Variants in PIK3C3 observed in about 807,000 individuals in gnomAD.
The protein encoded by PIK3C3 is PI3-kinase type 3.
Under a neutral mutation model 126.1 loss-of-function variants are expected in PIK3C3, and 95 were observed. The ratio of observed to expected loss-of-function variants is 0.75; its 90% CI spans 0.64 to 0.89. The LOEUF (loss-of-function observed/expected upper bound fraction) is 0.89. Ranked by LOEUF, PIK3C3 falls within the 40% of genes least tolerant of loss-of-function variation. The probability of loss-of-function intolerance (pLI) is 0.00; values close to 1 mark genes in which losing one functional copy is unlikely to be tolerated. For synonymous variants in PIK3C3, 374 were observed against 360.0 expected (o/e 1.04, Z -0.44); for missense variants, 829 against 1,063.2 (o/e 0.78, Z 3.06).
chr18:42,049,694 C>G, intron 21 of PIK3C3, 89 bp downstream of exon 21: 1 of 1,094,024 alleles, frequency 9.1e-7, no homozygotes, highest in Non-Finnish European at 1.4e-6. Context: ...TAAGTTGCGG[C>G]CTGGCGCGGT....
At chr18:42,014,314 C>T (rs984662050) in intron 11 of PIK3C3, among the ~76,000 whole-genome samples, 1 of 150,218 alleles carries the variant, frequency 6.7e-6, no homozygotes, top group African/African-American at 2.5e-5. Flanking sequence ...TAACTGTTTA[C>T]ACCTCTTTAG....
chr18:41,995,844 C>A, intron 7 of PIK3C3, 46 bp from the exon 8 acceptor site: 2 of 1,316,966 alleles, frequency 1.5e-6, no homozygotes, highest in Non-Finnish European at 2.2e-6. Flanking sequence ...TTTGAAATTT[C>A]CTTTTGGTGA....
intron 4 of PIK3C3, among the ~76,000 whole-genome samples, chr18:41,983,787 TCAA>T (rs978647348): frequency 6.6e-6 from 1 of 152,188 alleles, no homozygotes; most frequent in African/African-American, 2.4e-5. Flanking sequence ...GACATCTTCC[TCAA>T]ACACATCTTT....
At chr18:41,966,177 C>CCTTTTTT (rs1555671402) in intron 3 of PIK3C3, among the ~76,000 whole-genome samples, 1 of 112,572 alleles carries the variant, frequency 8.9e-6, no homozygotes, top group African/African-American at 3.7e-5. Context: ...TATATTGTTC[C>CCTTTTTT]TTTTTTTTTT....
At chr18:41,962,437 A>G in intron 2 of PIK3C3, 52 bp from the exon 3 acceptor site, 1 of 1,328,600 alleles carries the variant, frequency 7.5e-7, no homozygotes, top group Non-Finnish European at 9.7e-7. Flanking sequence ...TTAATTTAAA[A>G]GAAAGATATA....
At chr18:42,048,390 G>A (rs1270000956) in intron 20 of PIK3C3, among the ~76,000 whole-genome samples, 1 of 152,126 alleles carries the variant, frequency 6.6e-6, no homozygotes, top group Non-Finnish European at 1.5e-5. Flanking sequence ...TGAGTCAGCC[G>A]CTTGCTTAAA....
intron 13 of PIK3C3, among the ~76,000 whole-genome samples, chr18:42,021,886 T>C (rs1227060152): frequency 2.6e-5 from 4 of 152,174 alleles, no homozygotes; most frequent in Non-Finnish European, 4.4e-5. Context: ...AAACTAGAAA[T>C]CCAAAACATT....
At chr18:42,032,178 G>A (rs536499440) in intron 15 of PIK3C3, among the ~76,000 whole-genome samples, 7 of 152,320 alleles carry the variant, frequency 4.6e-5, no homozygotes, top group African/African-American at 1.7e-4. Flanking sequence ...GTTCCAGCCA[G>A]AGGAATAGCA....
chr18:41,970,178 A>C, intron 3 of PIK3C3, 149 bp from the exon 4 acceptor site: 2 of 659,142 alleles, frequency 3.0e-6, no homozygotes, highest in Non-Finnish European at 5.2e-6. Context: ...TGCTTGGTTA[A>C]TTGCTTTACA....
intron 10 of PIK3C3, among the ~76,000 whole-genome samples, 155 bp downstream of exon 10, chr18:42,004,696 T>G (rs1298380847): frequency 6.6e-6 from 1 of 152,132 alleles, no homozygotes; most frequent in Non-Finnish European, 1.5e-5. Flanking sequence ...AGGTGTATTT[T>G]CAGAAGGAAA....
intron 3 of PIK3C3, among the ~76,000 whole-genome samples, chr18:41,964,261 A>G (rs1424242561): frequency 6.6e-6 from 1 of 152,166 alleles, no homozygotes; most frequent in Non-Finnish European, 1.5e-5. Context: ...GCATCCTTAT[A>G]TACTCAATTC....
At chr18:42,049,712 G>A (rs1053218025) in intron 21 of PIK3C3, 107 bp downstream of exon 21, 36 of 860,908 alleles carry the variant, frequency 4.2e-5, no homozygotes, top group East Asian at 1.1e-4. Flanking sequence ...GGTGGCTCAC[G>A]CCCGTAATCC....
chr18:42,004,817 T>A (rs999748455), intron 10 of PIK3C3, among the ~76,000 whole-genome samples: 1 of 152,166 alleles, frequency 6.6e-6, no homozygotes, highest in Non-Finnish European at 1.5e-5. Flanking sequence ...GAGCTTGTAT[T>A]GCTCTGTCTG....
intron 4 of PIK3C3, among the ~76,000 whole-genome samples, chr18:41,981,375 T>C (rs1275931181): frequency 6.6e-6 from 1 of 152,226 alleles, no homozygotes; most frequent in Admixed American, 6.5e-5. Context: ...AAGACACTTT[T>C]AAGACTAGAT....
At chr18:41,990,349 T>C in intron 5 of PIK3C3, 110 bp from the exon 6 acceptor site, 1 of 670,636 alleles carries the variant, frequency 1.5e-6, no homozygotes, top group Non-Finnish European at 2.7e-6. Flanking sequence ...ATGTTTTGAC[T>C]TGTATTTGAT....
rs1237040996 is a variant in PIK3C3, at chr18:41,985,475, T to TGC, written c.532-2337_532-2336insGC. 2.0e-5 allele frequency among the ~76,000 whole-genome samples: 3 copies of TGC among 152,286 alleles called. No individual in the cohort carries two copies. In the East Asian group the frequency reaches 5.8e-4, roughly 29 times the overall value. On this transcript the variant is annotated intron_variant, in intron 4 of 24. Transcript: ENST00000262039. ...ATTTCCATAGCATAAATGGTACCTT[T>TGC]AATTTTGCAATCGGTTTTGCACTCA...
chr18:42,055,544 A>G (rs376089788), intron 21 of PIK3C3, among the ~76,000 whole-genome samples: 1 of 152,176 alleles, frequency 6.6e-6, no homozygotes, highest in African/African-American at 2.4e-5. Context: ...CAATTAAGAC[A>G]AAAGGCATTT....
At chr18:42,043,261 T>G (rs960810775) in intron 19 of PIK3C3, among the ~76,000 whole-genome samples, 3 of 151,938 alleles carry the variant, frequency 2.0e-5, no homozygotes, top group Non-Finnish European at 4.4e-5. Flanking sequence ...ACCACGCTAA[T>G]TTTTGTATTT....
At chr18:41,978,735 T>C (rs1981052424) in intron 4 of PIK3C3, among the ~76,000 whole-genome samples, 1 of 152,130 alleles carries the variant, frequency 6.6e-6, no homozygotes, top group South Asian at 2.1e-4. Context: ...AGTTAAGTAG[T>C]AATTGAAAAC....
Sources: allele counts gnomAD v4.1 joint callset (sites outside exome capture counted in the v4.1 genomes callset), GRCh38; gene constraint gnomAD v4.1.1; transcripts MANE v1.5; gene names NCBI Gene and HGNC (gene_info 2026-07-23, HGNC 2026-07-21).